FAM114A2: variants seen among roughly 807,000 people sequenced by gnomAD.
FAM114A2 encodes the protein family with sequence similarity 114 member A2.
Under a neutral mutation model 58.4 loss-of-function variants are expected in FAM114A2, and 53 were observed. The observed-to-expected ratio is 0.91, with a 90% CI of 0.73 to 1.14. FAM114A2 has a LOEUF of 1.14. Ranked by LOEUF, FAM114A2 falls within the 50% of genes most tolerant of loss-of-function variation. The pLI, the probability that FAM114A2 is intolerant of heterozygous loss-of-function variation, is 0.00. For missense variants in FAM114A2, 601 were observed against 581.1 expected (o/e 1.03, Z -0.35); for synonymous variants, 228 against 211.4 (o/e 1.08, Z -0.68).
At chr5:154,010,736 G>A (rs1731725098) in intron 9 of FAM114A2, among the ~76,000 whole-genome samples, 5 of 152,138 alleles carry the variant, frequency 3.3e-5, no homozygotes, top group Admixed American at 3.3e-4. Flanking sequence ...TAAGAAAATA[G>A]TTCCAGAATC....
At chr5:153,994,268 TC>T (rs1405900241) in intron 13 of FAM114A2, among the ~76,000 whole-genome samples, 1 of 152,068 alleles carries the variant, frequency 6.6e-6, no homozygotes, top group African/African-American at 2.4e-5. Context: ...ATATATTTTC[TC>T]CCCCCAGACT....
intron 9 of FAM114A2, 104 bp downstream of exon 9, chr5:154,011,137 T>A (rs531881076): frequency 2.4e-6 from 2 of 841,024 alleles, no homozygotes; most frequent in Admixed American, 4.6e-5. Context: ...GAATATACCT[T>A]CGATTTTGGT....
intron 8 of FAM114A2, among the ~76,000 whole-genome samples, chr5:154,013,617 T>C (rs1473854874): frequency 1.3e-5 from 2 of 152,156 alleles, no homozygotes; most frequent in Non-Finnish European, 2.9e-5. Flanking sequence ...CTCTGAATGG[T>C]ATTTAAAGAC....
In FAM114A2 at chr5:154,026,540, C is replaced by T. The variant is rs772605108; in HGVS notation, c.790-18G>A. ...GATTTCACCTGAATGGATACAAGAA[C>T]AAAATGTTGTAGGAGTATGAAAGAA... On this transcript the variant is annotated intron_variant, in intron 7 of 13. Coordinates refer to ENST00000351797, the MANE Select transcript of FAM114A2 (RefSeq NM_018691.4). 1.4e-5 allele frequency: 21 copies of T among 1,450,532 alleles called. No homozygotes were observed. In the African/African-American group the frequency reaches 2.8e-4, roughly 19 times the overall value. The allele number at this position is 1,450,532 out of a possible 1,614,324, so 89.9% of individuals were successfully genotyped here.
chr5:154,033,914 A>G (rs1226203589), intron 3 of FAM114A2, 31 bp from the exon 4 acceptor site: 3 of 1,384,462 alleles, frequency 2.2e-6, no homozygotes, highest in South Asian at 1.2e-5. Flanking sequence ...TTTTTTTGCT[A>G]TTTGTCACCA....
chr5:154,030,353 AAAT>A (rs1448558352), intron 4 of FAM114A2, among the ~76,000 whole-genome samples: 2 of 152,240 alleles, frequency 1.3e-5, no homozygotes, highest in African/African-American at 4.8e-5. Context: ...CAGTATTATC[AAAT>A]ATTATAGAGA....
At chr5:154,005,365 T>C (rs1431054689) in intron 9 of FAM114A2, among the ~76,000 whole-genome samples, 1 of 152,176 alleles carries the variant, frequency 6.6e-6, no homozygotes, top group African/African-American at 2.4e-5. Flanking sequence ...ACAGAGTAAG[T>C]GGTGCATAGA....
rs564610137 is a variant in FAM114A2, at chr5:154,027,381, A to C, written c.631-47T>G. ...ACACTGTAGCAAACAATGAGAGCTC[A>C]AGGGTGAGTTCTGAGAATTGAAGGA... On this transcript the variant is annotated intron_variant, in intron 6 of 13. Transcript: ENST00000351797. The C allele has an allele frequency of 6.5e-6, 10 of 1,531,592 alleles. No individual in the cohort carries two copies. In the East Asian group the frequency reaches 2.0e-4, roughly 31 times the overall value. 94.9% of individuals were successfully genotyped at this position (1,531,592 alleles called of 1,614,324 possible).
At position 154,027,320 on chromosome 5, in the gene FAM114A2, C is replaced by T. The variant is rs144205798; in HGVS notation, c.645G>A (p.Ala215=). The T allele has an allele frequency of 7.1e-5, 114 of 1,611,192 alleles. No homozygotes were observed. The African/African-American group carries it at 8.3e-4, about 12-fold the overall frequency. The change falls in exon 7 of 14, where the codon GCG becomes GCA. Residue 215 remains alanine (A), a synonymous_variant. Transcript: ENST00000351797. ...NATLSQVLRE[A]KEKEEIRTSN... ...AGGTCCGTATCTCTTCTTTCTCCTTCGCCTCTCGTAAAACCTAAAAAGAGA... is the reference window on the plus strand; with the variant it reads ...AGGTCCGTATCTCTTCTTTCTCCTTTGCCTCTCGTAAAACCTAAAAAGAGA...
intron 5 of FAM114A2, among the ~76,000 whole-genome samples, chr5:154,029,003 A>T (rs1269240437): frequency 1.3e-5 from 2 of 152,224 alleles, no homozygotes; most frequent in South Asian, 4.1e-4. Context: ...TTCAATAAAA[A>T]GTTAAAATTT....
intron 9 of FAM114A2, among the ~76,000 whole-genome samples, chr5:154,008,190 A>G (rs1235317411): frequency 1.3e-5 from 2 of 152,202 alleles, no homozygotes; most frequent in African/African-American, 4.8e-5. Flanking sequence ...ATCTTTACAA[A>G]AAGAAACTCA....
rs892129524 is a variant in FAM114A2, at chr5:153,991,007, G to A, written c.*1969C>T. 1.3e-5 allele frequency: 2 copies of A among 151,558 alleles called. No homozygotes were observed. The highest frequency in any genetic ancestry group is 2.9e-5 in the Non-Finnish European group (2 of 67,982). 9.4% of individuals were successfully genotyped at this position (151,558 alleles called of 1,614,324 possible). On this transcript the variant is annotated 3_prime_UTR_variant, in exon 14 of 14. Coordinates refer to ENST00000351797, the MANE Select transcript of FAM114A2 (RefSeq NM_018691.4). ...TTAATTCTTTTTCAGTATATTTTAT[G>A]TGAAGAGTAGACAATTGTTACTCAG...
intron 9 of FAM114A2, among the ~76,000 whole-genome samples, chr5:154,004,300 T>A (rs1039502758): frequency 6.6e-6 from 1 of 152,222 alleles, no homozygotes; most frequent in Non-Finnish European, 1.5e-5. Context: ...GTATCTTTTA[T>A]ATATTGATCC....
At chr5:154,027,445 T>A in intron 6 of FAM114A2, 111 bp from the exon 7 acceptor site, 1 of 802,000 alleles carries the variant, frequency 1.2e-6, no homozygotes. Flanking sequence ...AGGATTGCCC[T>A]TTCATTCTTG....
chr5:154,031,391 A>C (rs1056603985), intron 4 of FAM114A2, among the ~76,000 whole-genome samples: 1 of 152,040 alleles, frequency 6.6e-6, no homozygotes, highest in African/African-American at 2.4e-5. Context: ...GGAAAGCAGA[A>C]GATAGCCCCC....
intron 8 of FAM114A2, 62 bp from the exon 9 acceptor site, chr5:154,011,382 G>A: frequency 8.8e-7 from 1 of 1,132,616 alleles, no homozygotes; most frequent in Non-Finnish European, 1.3e-6. Flanking sequence ...TGAGGTGGCA[G>A]GCGAGGAGGA....
At chr5:154,027,514 A>C (rs1326732869) in intron 6 of FAM114A2, 180 bp from the exon 7 acceptor site, 2 of 463,918 alleles carry the variant, frequency 4.3e-6, no homozygotes, top group Non-Finnish European at 7.5e-6. Context: ...GATCACACAT[A>C]ATTTGAGACG....
At chr5:154,034,525 G>A (rs1385077421) in intron 2 of FAM114A2, 148 bp from the exon 3 acceptor site, 4 of 638,542 alleles carry the variant, frequency 6.3e-6, no homozygotes, top group Admixed American at 3.0e-5. Context: ...TGTATTGCTT[G>A]ACTGGCAGAT....
intron 5 of FAM114A2, among the ~76,000 whole-genome samples, 181 bp from the exon 6 acceptor site, chr5:154,028,464 A>C (rs2113465642): frequency 6.6e-6 from 1 of 152,338 alleles, no homozygotes; most frequent in African/African-American, 2.4e-5. Flanking sequence ...CCACATTAGA[A>C]AACTGTTTGT....
Sources: gnomAD v4.1 joint callset for allele counts (sites outside exome capture counted in the v4.1 genomes callset) on GRCh38, gnomAD v4.1.1 for gene constraint, MANE v1.5 for transcripts, NCBI Gene and HGNC (gene_info 2026-07-23, HGNC 2026-07-21) for gene names.